Variants in SLC39A11 observed in about 807,000 individuals in gnomAD.
SLC39A11 encodes zinc transporter ZIP11.
SLC39A11 carries 33 observed loss-of-function variants against 36.1 expected under a neutral mutation model. The ratio of observed to expected loss-of-function variants is 0.91; its 90% CI spans 0.69 to 1.22. The LOEUF (loss-of-function observed/expected upper bound fraction) is 1.22. Ranked by LOEUF, SLC39A11 falls within the 50% of genes most tolerant of loss-of-function variation. The pLI, the probability that SLC39A11 is intolerant of heterozygous loss-of-function variation, is 0.00. For synonymous variants in SLC39A11, 166 were observed against 170.3 expected, an observed-to-expected ratio of 0.97 and a Z score of 0.20; for missense variants, 432 against 430.3, an observed-to-expected ratio of 1.00 and a Z score of -0.03.
chr17:72,803,133 G>A (rs1006876966), intron 6 of SLC39A11, among the ~76,000 whole-genome samples: 1 of 152,242 alleles, frequency 6.6e-6, no homozygotes, highest in Non-Finnish European at 1.5e-5. Flanking sequence ...TCCTCAGTGC[G>A]CTGCTTTAAA....
chr17:72,752,670 G>T (rs1412550040), intron 6 of SLC39A11, among the ~76,000 whole-genome samples: 1 of 152,218 alleles, frequency 6.6e-6, no homozygotes. Context: ...TGGGATTACA[G>T]GCATGAGCCA....
chr17:72,692,358 T>G (rs1429504442), intron 7 of SLC39A11, among the ~76,000 whole-genome samples: 3 of 152,130 alleles, frequency 2.0e-5, no homozygotes. Context: ...AATGATGAGG[T>G]GATGCATTAG....
intron 7 of SLC39A11, among the ~76,000 whole-genome samples, chr17:72,687,529 C>T (rs2071816365): frequency 6.6e-6 from 1 of 152,206 alleles, no homozygotes; most frequent in Admixed American, 6.5e-5. Flanking sequence ...AGGCGTGAGC[C>T]ACCGCGCCTG....
intron 3 of SLC39A11, among the ~76,000 whole-genome samples, chr17:73,037,627 T>C (rs9899477): frequency 0.6 from 91,853 of 152,182 alleles, 29,078 homozygotes; most frequent in East Asian, 0.74. Flanking sequence ...GGGCCATCGC[T>C]GAAGACACCA....
At chr17:72,711,592 T>C (rs909546552) in intron 7 of SLC39A11, among the ~76,000 whole-genome samples, 1 of 152,212 alleles carries the variant, frequency 6.6e-6, no homozygotes, top group African/African-American at 2.4e-5. Flanking sequence ...ACCCATATTC[T>C]AAATACTACA....
chr17:72,790,242 G>C (rs1055488249), intron 6 of SLC39A11, among the ~76,000 whole-genome samples: 1 of 152,130 alleles, frequency 6.6e-6, no homozygotes, highest in African/African-American at 2.4e-5. Context: ...AGGCTGGGGG[G>C]TCATCCCAGG....
chr17:72,819,954 C>T (rs940296182), intron 6 of SLC39A11, among the ~76,000 whole-genome samples: 1 of 151,096 alleles, frequency 6.6e-6, no homozygotes, highest in Non-Finnish European at 1.5e-5. Context: ...TCATGCTAGG[C>T]CCTGTGTTCC....
At chr17:72,757,067 G>A (rs901449589) in intron 6 of SLC39A11, among the ~76,000 whole-genome samples, 1 of 151,806 alleles carries the variant, frequency 6.6e-6, no homozygotes, top group Non-Finnish European at 1.5e-5. Flanking sequence ...TAAGGAGGCT[G>A]AGGCAGGAGA....
At chr17:73,007,459 G>A (rs1234068160) in intron 4 of SLC39A11, among the ~76,000 whole-genome samples, 1 of 152,172 alleles carries the variant, frequency 6.6e-6, no homozygotes, top group Admixed American at 6.5e-5. Flanking sequence ...ACAGCCTCAG[G>A]GCAACGCCAT....
intron 7 of SLC39A11, among the ~76,000 whole-genome samples, chr17:72,730,998 C>A (rs542767763): frequency 1.3e-5 from 2 of 152,292 alleles, no homozygotes; most frequent in Admixed American, 1.3e-4. Context: ...GTGATCCGCC[C>A]GCCTCGGCCT....
chr17:72,781,479 A>G (rs1388609541), intron 6 of SLC39A11, among the ~76,000 whole-genome samples: 2 of 150,176 alleles, frequency 1.3e-5, no homozygotes, highest in Non-Finnish European at 3.0e-5. Flanking sequence ...GCTGGAGTGC[A>G]ATGGCGCGAT....
chr17:72,655,865 G>A (rs934751179), intron 7 of SLC39A11, among the ~76,000 whole-genome samples: 6 of 152,164 alleles, frequency 3.9e-5, no homozygotes, highest in East Asian at 3.9e-4. Context: ...GGGGTGAGCC[G>A]TGAGCTGACT....
chr17:73,048,438 G>A (rs1022003924), intron 3 of SLC39A11, among the ~76,000 whole-genome samples: 2 of 152,152 alleles, frequency 1.3e-5, no homozygotes, highest in Non-Finnish European at 2.9e-5. Flanking sequence ...AGTCCACCAC[G>A]GATGGGCACC....
At chr17:73,061,270 G>C (rs888726555) in intron 3 of SLC39A11, among the ~76,000 whole-genome samples, 1 of 152,124 alleles carries the variant, frequency 6.6e-6, no homozygotes, top group Non-Finnish European at 1.5e-5. Flanking sequence ...TGAGGCCAGA[G>C]AACCGTTTCA....
chr17:73,010,348 T>G lies in SLC39A11; in HGVS notation c.306+21208A>C, dbSNP rs553415860. On this transcript the variant is annotated intron_variant, in intron 4 of 9. Coordinates refer to ENST00000255559, the MANE Select transcript of SLC39A11 (RefSeq NM_139177.4). ...TTCTTTCCCTCTTTTCTTAGTCTTT[T>G]GCAATAGGAGAAGACTTGGGCTTCA... 5.3e-4 allele frequency among the ~76,000 whole-genome samples: 81 copies of G among 151,984 alleles called. 1 individual carries two copies. The South Asian group carries it at 7.3e-3, about 14-fold the overall frequency.
chr17:72,685,316 G>A (rs1006151656), intron 7 of SLC39A11, among the ~76,000 whole-genome samples: 2 of 152,208 alleles, frequency 1.3e-5, no homozygotes, highest in African/African-American at 4.8e-5. Context: ...GTTTAGAGGC[G>A]GACTCTTTGA....
chr17:72,932,188 C>A (rs1362939776), intron 5 of SLC39A11, among the ~76,000 whole-genome samples: 1 of 151,882 alleles, frequency 6.6e-6, no homozygotes, highest in Non-Finnish European at 1.5e-5. Flanking sequence ...CCTATCTTCC[C>A]AAAACTCCAA....
At chr17:73,050,380 G>T (rs972319795) in intron 3 of SLC39A11, among the ~76,000 whole-genome samples, 7 of 150,558 alleles carry the variant, frequency 4.6e-5, no homozygotes, top group Admixed American at 2.0e-4. Flanking sequence ...AGCAGGAAGG[G>T]TTATCAGCGG....
intron 3 of SLC39A11, among the ~76,000 whole-genome samples, chr17:73,051,257 C>A (rs559257092): frequency 2.0e-5 from 3 of 152,258 alleles, no homozygotes; most frequent in Admixed American, 2.0e-4. Flanking sequence ...CTTATAAGGA[C>A]ACCAGTCCTA....
Sources: allele counts gnomAD v4.1 joint callset (sites outside exome capture counted in the v4.1 genomes callset), GRCh38; gene constraint gnomAD v4.1.1; transcripts MANE v1.5; gene names NCBI Gene and HGNC (gene_info 2026-07-23, HGNC 2026-07-21).